Variants in SLC24A3 observed in about 807,000 individuals in gnomAD.
The protein encoded by SLC24A3 is solute carrier family 24 member 3, also known as sodium/potassium/calcium exchanger 3.
SLC24A3 carries 28 observed loss-of-function variants against 75.8 expected under a neutral mutation model. The observed-to-expected ratio is 0.37, with a 90% confidence interval of 0.27 to 0.51. The LOEUF (loss-of-function observed/expected upper bound fraction) is 0.51. Ranked by LOEUF, SLC24A3 falls within the 20% of genes least tolerant of loss-of-function variation. The pLI, the probability that SLC24A3 is intolerant of heterozygous loss-of-function variation, is 0.94. For missense variants in SLC24A3, 663 were observed against 847.8 expected (o/e 0.78, Z 2.71); for synonymous variants, 372 against 334.1 (o/e 1.11, Z -1.24).
chr20:19,680,827 C>T (rs1405034693), intron 9 of SLC24A3, among the ~76,000 whole-genome samples: 1 of 152,200 alleles, frequency 6.6e-6, no homozygotes, highest in Non-Finnish European at 1.5e-5. Context: ...CAGAGAGCTT[C>T]ATGTCTGTAG....
At chr20:19,470,197 TATCC>T (rs1987845633) in intron 2 of SLC24A3, among the ~76,000 whole-genome samples, 1 of 152,184 alleles carries the variant, frequency 6.6e-6, no homozygotes, top group Non-Finnish European at 1.5e-5. Flanking sequence ...TTCGTGCAAA[TATCC>T]TTTCTTTTCC....
At chr20:19,222,777 C>CTCCT (rs1981755011) in intron 1 of SLC24A3, among the ~76,000 whole-genome samples, 1 of 126,348 alleles carries the variant, frequency 7.9e-6, no homozygotes, top group African/African-American at 3.0e-5. Context: ...TCCCCTTCCC[C>CTCCT]TCCCTCCCTT....
At chr20:19,444,648 A>C (rs1987350417) in intron 2 of SLC24A3, among the ~76,000 whole-genome samples, 1 of 152,156 alleles carries the variant, frequency 6.6e-6, no homozygotes, top group African/African-American at 2.4e-5. Context: ...TTTCAATGTC[A>C]ATGCAATAAG....
intron 1 of SLC24A3, among the ~76,000 whole-genome samples, chr20:19,253,868 C>T (rs917906670): frequency 3.3e-5 from 5 of 152,222 alleles, no homozygotes; most frequent in African/African-American, 1.2e-4. Flanking sequence ...CAGGCCACAC[C>T]GTCCTCTTCC....
chr20:19,680,901 C>T (rs570854996), intron 9 of SLC24A3, among the ~76,000 whole-genome samples: 3 of 152,192 alleles, frequency 2.0e-5, no homozygotes, highest in East Asian at 1.9e-4. Context: ...TGGCAACTTA[C>T]GGTCACCATG....
At chr20:19,597,742 G>A (rs1600296413) in intron 6 of SLC24A3, among the ~76,000 whole-genome samples, 1 of 152,224 alleles carries the variant, frequency 6.6e-6, no homozygotes, top group African/African-American at 2.4e-5. Flanking sequence ...ACCCTGCCCA[G>A]TTGCTGGTAT....
chr20:19,520,003 C>G (rs948537448), intron 3 of SLC24A3, among the ~76,000 whole-genome samples: 6 of 152,174 alleles, frequency 3.9e-5, no homozygotes, highest in Admixed American at 3.9e-4. Flanking sequence ...AGTATTCTTC[C>G]TAAGCTTTGA....
At chr20:19,342,649 G>A (rs1985295415) in intron 2 of SLC24A3, among the ~76,000 whole-genome samples, 1 of 152,226 alleles carries the variant, frequency 6.6e-6, no homozygotes, top group Non-Finnish European at 1.5e-5. Context: ...GGAAGAAGGA[G>A]TGTCTTTTTA....
At chr20:19,588,838 C>T (rs2031334381) in intron 6 of SLC24A3, among the ~76,000 whole-genome samples, 1 of 152,234 alleles carries the variant, frequency 6.6e-6, no homozygotes, top group Non-Finnish European at 1.5e-5. Flanking sequence ...TAACCACAAA[C>T]AGAAATTATG....
At chr20:19,427,068 CAT>C (rs1491353611) in intron 2 of SLC24A3, among the ~76,000 whole-genome samples, 9 of 151,658 alleles carry the variant, frequency 5.9e-5, no homozygotes, top group Non-Finnish European at 1.0e-4. Flanking sequence ...TGTGTGTGTG[CAT>C]GTGTGTGTGT....
intron 6 of SLC24A3, among the ~76,000 whole-genome samples, chr20:19,637,079 A>G (rs993077295): frequency 1.4e-4 from 22 of 152,218 alleles, no homozygotes; most frequent in Admixed American, 1.3e-3. Context: ...GTGGTGGATC[A>G]CCTGAGGTCA....
At chr20:19,343,363 T>A (rs1325299789) in intron 2 of SLC24A3, among the ~76,000 whole-genome samples, 1 of 152,170 alleles carries the variant, frequency 6.6e-6, no homozygotes, top group African/African-American at 2.4e-5. Flanking sequence ...CTCTATGTGT[T>A]TTCATGTGTA....
chr20:19,527,286 G>A (rs748077983), intron 3 of SLC24A3, among the ~76,000 whole-genome samples: 7 of 152,164 alleles, frequency 4.6e-5, no homozygotes, highest in African/African-American at 7.2e-5. Flanking sequence ...CTGGGACCAT[G>A]CCTCACTCAT....
intron 3 of SLC24A3, among the ~76,000 whole-genome samples, chr20:19,554,384 C>T (rs2122602933): frequency 6.6e-6 from 1 of 152,102 alleles, no homozygotes; most frequent in Admixed American, 6.5e-5. Flanking sequence ...TGATAGTTCT[C>T]TTTGATGGCC....
chr20:19,607,838 T>A (rs1471898580), intron 6 of SLC24A3, among the ~76,000 whole-genome samples: 1 of 152,266 alleles, frequency 6.6e-6, no homozygotes. Flanking sequence ...CACTCTGACG[T>A]TGCCTCTTGC....
intron 15 of SLC24A3, among the ~76,000 whole-genome samples, chr20:19,706,267 G>A (rs939007848): frequency 1.3e-5 from 2 of 152,210 alleles, no homozygotes; most frequent in African/African-American, 4.8e-5. Flanking sequence ...TGGAGATGGT[G>A]CAGTAAGCAA....
chr20:19,328,909 C>T (rs761526302), intron 2 of SLC24A3, among the ~76,000 whole-genome samples: 4 of 152,144 alleles, frequency 2.6e-5, no homozygotes, highest in African/African-American at 7.2e-5. Context: ...CCAGGCTCTG[C>T]GAGGAGCCAG....
chr20:19,709,169 G>A (rs899441017), intron 15 of SLC24A3, among the ~76,000 whole-genome samples: 1 of 152,194 alleles, frequency 6.6e-6, no homozygotes, highest in East Asian at 1.9e-4. Context: ...CATCCGAGGG[G>A]CAAGGGAGCT....
chr20:19,235,195 C>G (rs936869723), intron 1 of SLC24A3, among the ~76,000 whole-genome samples: 1 of 152,210 alleles, frequency 6.6e-6, no homozygotes, highest in Non-Finnish European at 1.5e-5. Flanking sequence ...GACTGAGACC[C>G]TGGCCTGGAG....
Sources: gnomAD v4.1 joint callset for allele counts (sites outside exome capture counted in the v4.1 genomes callset) on GRCh38, gnomAD v4.1.1 for gene constraint, MANE v1.5 for transcripts, NCBI Gene and HGNC (gene_info 2026-07-23, HGNC 2026-07-21) for gene names.